UMAD1: variants seen among roughly 807,000 people sequenced by gnomAD.
The protein encoded by UMAD1 is UBAP1-MVB12-associated (UMA) domain containing 1, also known as UBAP1-MVB12-associated (UMA)-domain containing protein 1.
A neutral mutation model predicts 6.1 loss-of-function variants in UMAD1; 8 were observed. That is an observed-to-expected ratio of 1.30 (90% CI 0.76 to 2.35). The LOEUF (loss-of-function observed/expected upper bound fraction) is 2.35. Among genes scored for constraint, UMAD1 ranks in the 30% most tolerant of loss-of-function variants. The probability of loss-of-function intolerance (pLI) is 0.00; values close to 1 mark genes in which losing one functional copy is unlikely to be tolerated. For synonymous variants in UMAD1, 56 were observed against 31.4 expected (o/e 1.78, Z -2.61); for missense variants, 130 against 78.4 (o/e 1.66, Z -2.49).
chr7:7,759,958 G>A (rs908803642), intron 2 of UMAD1, among the ~76,000 whole-genome samples: 1 of 152,008 alleles, frequency 6.6e-6, no homozygotes, highest in African/African-American at 2.4e-5. Flanking sequence ...TTGTGTCGAC[G>A]CCCCCTCCTC....
chr7:7,822,155 T>C (rs11762146), intron 3 of UMAD1, among the ~76,000 whole-genome samples: 18,309 of 152,034 alleles, frequency 0.12, 1,176 homozygotes, highest in East Asian at 0.21. Context: ...GAAAAGCTTG[T>C]GTACTTTATT....
intron 2 of UMAD1, among the ~76,000 whole-genome samples, chr7:7,799,063 C>T (rs977647199): frequency 3.3e-5 from 5 of 152,048 alleles, no homozygotes; most frequent in Admixed American, 6.5e-5. Context: ...TTTCATATTT[C>T]TCATACCCAT....
At chr7:7,748,093 C>T (rs976236671) in intron 2 of UMAD1, among the ~76,000 whole-genome samples, 17 of 133,826 alleles carry the variant, frequency 1.3e-4, no homozygotes, top group South Asian at 2.3e-4. Flanking sequence ...CCTGCCACCA[C>T]GCCCAGCTAA....
At chr7:7,642,142 C>G (rs1784987933) in intron 1 of UMAD1, among the ~76,000 whole-genome samples, 1 of 151,770 alleles carries the variant, frequency 6.6e-6, no homozygotes, top group Non-Finnish European at 1.5e-5. Flanking sequence ...TCTTTAATAG[C>G]ATTTTTTTTT....
At chr7:7,779,489 T>C (rs1308644418) in intron 2 of UMAD1, among the ~76,000 whole-genome samples, 1 of 152,140 alleles carries the variant, frequency 6.6e-6, no homozygotes, top group Non-Finnish European at 1.5e-5. Context: ...CAGTCTGGTC[T>C]CGAAATCTTG....
At chr7:7,697,856 T>A (rs1780357581) in intron 2 of UMAD1, among the ~76,000 whole-genome samples, 1 of 152,152 alleles carries the variant, frequency 6.6e-6, no homozygotes, top group East Asian at 1.9e-4. Context: ...AGTTTTTCAG[T>A]TGCTTAAATG....
At chr7:7,771,064 A>C in intron 2 of UMAD1, among the ~76,000 whole-genome samples, 1 of 152,010 alleles carries the variant, frequency 6.6e-6, no homozygotes, top group East Asian at 1.9e-4. Flanking sequence ...CTGAGAACAA[A>C]TGGCAGAAAG....
intron 2 of UMAD1, among the ~76,000 whole-genome samples, chr7:7,799,224 T>A (rs73054018): frequency 0.093 from 14,116 of 152,290 alleles, 775 homozygotes; most frequent in East Asian, 0.18. Context: ...TTCTTTTCTG[T>A]TTGTTGTTTA....
At chr7:7,754,882 AC>A (rs1781745776) in intron 2 of UMAD1, among the ~76,000 whole-genome samples, 1 of 152,198 alleles carries the variant, frequency 6.6e-6, no homozygotes, top group Non-Finnish European at 1.5e-5. Flanking sequence ...TAGCTTTTCA[AC>A]TTAACCGTAT....
chr7:7,764,615 C>T (rs187930611), intron 2 of UMAD1, among the ~76,000 whole-genome samples: 2 of 152,264 alleles, frequency 1.3e-5, no homozygotes, highest in Admixed American at 1.3e-4. Context: ...TAAGTTTGGA[C>T]TGTATGAGGA....
chr7:7,861,841 A>G (rs541875104), intron 3 of UMAD1, among the ~76,000 whole-genome samples: 1 of 152,348 alleles, frequency 6.6e-6, no homozygotes, highest in African/African-American at 2.4e-5. Context: ...TTCTAAGTAC[A>G]TACTAAGTAT....
At chr7:7,781,874 A>AT (rs60123177) in intron 2 of UMAD1, among the ~76,000 whole-genome samples, 78,342 of 151,634 alleles carry the variant, frequency 0.52, 20,310 homozygotes, top group African/African-American at 0.58. Flanking sequence ...ACCTTGAAAA[A>AT]ATTAAAAAAT....
chr7:7,691,900 C>T (rs1417960525), intron 2 of UMAD1, among the ~76,000 whole-genome samples: 3 of 152,118 alleles, frequency 2.0e-5, no homozygotes, highest in Non-Finnish European at 4.4e-5. Context: ...TCAGTTTAGC[C>T]TTGACTAATC....
At chr7:7,717,099 C>T (rs1780933716) in intron 2 of UMAD1, among the ~76,000 whole-genome samples, 1 of 148,502 alleles carries the variant, frequency 6.7e-6, no homozygotes, top group African/African-American at 2.6e-5. Flanking sequence ...GTCTGTTGCC[C>T]AGGCTGGAGT....
chr7:7,732,137 A>G (rs1461735275), intron 2 of UMAD1, among the ~76,000 whole-genome samples: 4 of 152,070 alleles, frequency 2.6e-5, no homozygotes, highest in Admixed American at 2.6e-4. Flanking sequence ...TTAGTAAGCA[A>G]ATGCAATGAG....
At chr7:7,646,242 G>C (rs1443634245) in intron 1 of UMAD1, among the ~76,000 whole-genome samples, 4 of 152,164 alleles carry the variant, frequency 2.6e-5, no homozygotes, top group Non-Finnish European at 4.4e-5. Context: ...GAAAGATGGT[G>C]AATGTGGGCA....
Position 7,673,322 on chromosome 7 carries a change from C to T in UMAD1, c.-50C>T. 1.2e-6 allele frequency: 1 copy of T among 806,336 alleles called. No individual in the cohort carries two copies. The highest frequency in any genetic ancestry group is 2.3e-5 in the South Asian group (1 of 43,922). The allele number at this position is 806,336 out of a possible 1,614,324, so 49.9% of individuals were successfully genotyped here. ...TTTCTATTTCAGGTAGCAGCAGCAG[C>T]AGCAGCAGCAGCAGCAGCAGCAGCA... On this transcript the variant is annotated 5_prime_UTR_variant, in exon 2 of 4. Coordinates refer to ENST00000682710, the MANE Select transcript of UMAD1 (RefSeq NM_001302348.2).
rs902200416 is a variant in UMAD1 at position 7,879,089 on chromosome 7, C to A, written c.*1551C>A. The A allele has an allele frequency of 9.2e-5, 14 of 152,068 alleles. No individual in the cohort carries two copies. The highest frequency in any genetic ancestry group is 3.4e-4 in the African/African-American group (14 of 41,410). The allele number at this position is 152,068 out of a possible 1,614,324, so 9.4% of individuals were successfully genotyped here. On this transcript the variant is annotated 3_prime_UTR_variant, in exon 4 of 4. Coordinates refer to ENST00000682710, the MANE Select transcript of UMAD1 (RefSeq NM_001302348.2). ...TTGTGTGAAATTTTGTCGAAAATAC[C>A]TAAACATTTCATCTATATTTGTGCC...
chr7:7,675,146 T>C (rs1779708047), intron 2 of UMAD1, among the ~76,000 whole-genome samples: 1 of 152,218 alleles, frequency 6.6e-6, no homozygotes, highest in African/African-American at 2.4e-5. Context: ...ATTACAGGCA[T>C]GAGCCACCAC....
Sources: gnomAD v4.1 joint callset for allele counts (sites outside exome capture counted in the v4.1 genomes callset) on GRCh38, gnomAD v4.1.1 for gene constraint, MANE v1.5 for transcripts, NCBI Gene and HGNC (gene_info 2026-07-23, HGNC 2026-07-21) for gene names.